Variants in ABHD2 observed in about 807,000 individuals in gnomAD.
ABHD2 encodes monoacylglycerol lipase ABHD2.
Under a neutral mutation model 48.1 loss-of-function variants are expected in ABHD2, and 20 were observed. That is an observed-to-expected ratio of 0.42 (90% CI 0.29 to 0.60). The LOEUF (loss-of-function observed/expected upper bound fraction) is 0.60, where lower values mean the gene tolerates loss of function less well. Ranked by LOEUF, ABHD2 falls within the 20% of genes least tolerant of loss-of-function variation. The pLI is 0.24. For synonymous variants in ABHD2, 209 were observed against 214.2 expected (o/e 0.98, Z 0.21); for missense variants, 405 against 550.9 (o/e 0.74, Z 2.65).
At chr15:89,050,296 T>C in the ABHD2 span, among the ~76,000 whole-genome samples, 6 of 152,226 alleles carry the variant, frequency 3.9e-5, no homozygotes, top group African/African-American at 1.4e-4. Flanking sequence ...GCCGAGACTC[T>C]GGGCCTGAGC....
Position 89,146,662 on chromosome 15 carries a change from A to G in ABHD2, c.195-5015A>G, listed in dbSNP as rs1298319393. Among the ~76,000 whole-genome samples the G allele has an allele frequency of 5.3e-5, 8 of 152,188 alleles. No homozygotes were observed. On this transcript the variant is annotated intron_variant, in intron 3 of 10. Transcript: ENST00000352732. The surrounding 1 kb of genome is among the most constrained non-coding windows in gnomAD (Gnocchi z 4.2). ...TTTCTACTTTCAGGGAGTTAAGGGT[A>G]AAACATGCCCAGATGCTTCAACTCA... is the stretch of plus-strand genomic sequence containing the variant.
chr15:89,153,420 C>T (rs1489203318), intron 4 of ABHD2, among the ~76,000 whole-genome samples: 1 of 152,190 alleles, frequency 6.6e-6, no homozygotes, highest in African/African-American at 2.4e-5. Flanking sequence ...ATTCACCATA[C>T]CCAGTTAAAT....
At position 89,182,216 on chromosome 15, in the gene ABHD2, G is replaced by A. The variant is rs2150938631; in HGVS notation, c.723-3208G>A. ...GTGATTATCACTTCTTGAGAGTTTT[G>A]CAACTTTCAGAAAGCATCTTTCCTT... is the stretch of plus-strand genomic sequence containing the variant. On this transcript the variant is annotated intron_variant, in intron 6 of 10. Transcript: ENST00000352732. This position sits in a 1 kb window ranked among gnomAD's most constrained non-coding sequence, Gnocchi z 4.8. Among the ~76,000 whole-genome samples, 1 of 152,238 alleles carries A rather than the reference G, an allele frequency of 6.6e-6. No individual in the cohort carries two copies. The highest frequency in any genetic ancestry group is 1.9e-4 in the East Asian group (1 of 5,180).
the ABHD2 span, among the ~76,000 whole-genome samples, chr15:89,052,656 G>A: frequency 9.6e-3 from 1,465 of 152,034 alleles, 37 homozygotes; most frequent in African/African-American, 0.033. Flanking sequence ...CAAGGAGCTC[G>A]AAAGATTGCC....
chr15:89,192,190 ACTGTAGTTGTG>A (rs1384397134), intron 9 of ABHD2, among the ~76,000 whole-genome samples: 1 of 152,184 alleles, frequency 6.6e-6, no homozygotes, highest in Non-Finnish European at 1.5e-5. Context: ...ATCACTGGAA[ACTGTAGTTGTG>A]CTGTCTTATC....
At chr15:89,147,953 C>T (rs2050522260) in intron 3 of ABHD2, among the ~76,000 whole-genome samples, 1 of 150,968 alleles carries the variant, frequency 6.6e-6, no homozygotes, top group African/African-American at 2.4e-5. Flanking sequence ...CCCATCTCTA[C>T]TAAGAATACA....
the ABHD2 span, among the ~76,000 whole-genome samples, chr15:89,061,535 G>C: frequency 6.6e-6 from 1 of 151,994 alleles, no homozygotes; most frequent in Non-Finnish European, 1.5e-5. Context: ...TAATAAACCC[G>C]CACATATACC....
intron 3 of ABHD2, among the ~76,000 whole-genome samples, chr15:89,136,861 C>T (rs1310291208): frequency 6.6e-6 from 1 of 152,238 alleles, no homozygotes; most frequent in Admixed American, 6.5e-5. Flanking sequence ...AGCCAAAAGG[C>T]ACTGTGTTGG....
intron 6 of ABHD2, among the ~76,000 whole-genome samples, chr15:89,181,708 C>T (rs2051118134): frequency 1.3e-5 from 2 of 152,206 alleles, no homozygotes. Flanking sequence ...TGCATTCTTT[C>T]CCCAGTTCAT....
intron 5 of ABHD2, among the ~76,000 whole-genome samples, chr15:89,172,009 T>C (rs1363958082): frequency 7.2e-6 from 1 of 138,482 alleles, no homozygotes; most frequent in Non-Finnish European, 1.5e-5. Flanking sequence ...TACCCTATAA[T>C]AAATATTTTT....
At chr15:89,136,272 C>T (rs186646070) in intron 3 of ABHD2, 179 of 403,052 alleles carry the variant, frequency 4.4e-4, no homozygotes, top group African/African-American at 3.0e-3. Context: ...TACAGGTTTT[C>T]GTTTCTCTTT....
chr15:89,160,747 G>C (rs1349760139), intron 5 of ABHD2, among the ~76,000 whole-genome samples: 2 of 152,148 alleles, frequency 1.3e-5, no homozygotes, highest in Non-Finnish European at 2.9e-5. Flanking sequence ...ACATTGCAGA[G>C]GGTAGGAAGA....
intron 5 of ABHD2, among the ~76,000 whole-genome samples, chr15:89,162,664 C>T (rs1383936972): frequency 6.6e-6 from 1 of 152,176 alleles, no homozygotes; most frequent in Non-Finnish European, 1.5e-5. Flanking sequence ...GAGAGCCCTT[C>T]CTTGACTCCT....
At position 89,103,200 on chromosome 15, in the gene ABHD2, A is replaced by C. The variant is rs144135487; in HGVS notation, c.-106-10525A>C. 2.4e-3 allele frequency among the ~76,000 whole-genome samples: 360 copies of C among 152,280 alleles called. 1 individual carries two copies. Among genetic ancestry groups the C allele is most frequent in the African/African-American group, 8.3e-3 (345 of 41,552 alleles). On this transcript the variant is annotated intron_variant, in intron 1 of 10. Transcript: ENST00000352732. ...TTGGGGACCAATTCTCATCCTCCTC[A>C]TGTGTTACAATTCCTTAGCAGTTGC...
rs1211777242 is a variant in ABHD2 at position 89,184,431 on chromosome 15, G to A, written c.723-993G>A. Among the ~76,000 whole-genome samples the A allele has an allele frequency of 1.3e-5, 2 of 152,218 alleles. No homozygotes were observed. Among genetic ancestry groups the A allele is most frequent in the Non-Finnish European group, 2.9e-5 (2 of 68,030 alleles). ...TGACGTCCAGATCCATTCACAGGGT[G>A]GAGTCAGGCCTGGAGATTTTGAAAC... On this transcript the variant is annotated intron_variant, in intron 6 of 10. Coordinates refer to ENST00000352732, the MANE Select transcript of ABHD2 (RefSeq NM_152924.5). This position sits in a 1 kb window ranked among gnomAD's most constrained non-coding sequence, Gnocchi z 5.1.
At position 89,188,883 on chromosome 15, in the gene ABHD2, TA is replaced by T. The variant is rs34046140; in HGVS notation, c.926+595del. Among the ~76,000 whole-genome samples the T allele has an allele frequency of 3.1e-3, 422 of 135,446 alleles. No individual in the cohort carries two copies. Among genetic ancestry groups the T allele is most frequent in the Middle Eastern group, 7.4e-3 (2 of 270 alleles). The allele number at this position is 135,446 out of a possible 152,430, so 88.9% of individuals were successfully genotyped here. The stretch of plus-strand genomic sequence containing the variant: ...GACACAGCAAGACCCTTCTCAAAAT[TA>T]AAAAAAAAAAAAAAGAAGTAGAAAA... On this transcript the variant is annotated intron_variant, in intron 8 of 10. Coordinates refer to ENST00000352732, the MANE Select transcript of ABHD2 (RefSeq NM_152924.5). The surrounding 1 kb of genome is among the most constrained non-coding windows in gnomAD (Gnocchi z 4.1).
chr15:89,155,540 C>G lies in ABHD2; in HGVS notation c.538+6C>G, dbSNP rs2050658826. On this transcript the variant is annotated splice_donor_region_variant and intron_variant, in intron 5 of 10. Transcript: ENST00000352732. This position sits in a 1 kb window ranked among gnomAD's most constrained non-coding sequence, Gnocchi z 4.9. Reference sequence around the variant, plus strand: ...GCCACGCATGTTCACCTATGGTAAGCATGGCTAAGTGGAGTCCTCCCTTTT... The same window carrying G: ...GCCACGCATGTTCACCTATGGTAAGGATGGCTAAGTGGAGTCCTCCCTTTT... The G allele has an allele frequency of 6.2e-7, 1 of 1,607,790 alleles. No individual in the cohort carries two copies. The highest frequency in any genetic ancestry group is 1.3e-5 in the African/African-American group (1 of 74,822).
intron 7 of ABHD2, among the ~76,000 whole-genome samples, chr15:89,187,771 T>C (rs567800623): frequency 2.4e-4 from 37 of 152,352 alleles, no homozygotes; most frequent in African/African-American, 8.4e-4. Flanking sequence ...TGTTTTCCAC[T>C]CCTTCCTGCA....
chr15:89,172,924 A>AT (rs2050953181), intron 5 of ABHD2, among the ~76,000 whole-genome samples: 1 of 152,162 alleles, frequency 6.6e-6, no homozygotes, highest in Non-Finnish European at 1.5e-5. Context: ...GAAGCTGAAG[A>AT]TTTTCCCTGT....
Sources: gnomAD v4.1 joint callset for allele counts (sites outside exome capture counted in the v4.1 genomes callset) on GRCh38, gnomAD v4.1.1 for gene constraint, Gnocchi (gnomAD v3.1) non-coding constraint, MANE v1.5 for transcripts, NCBI Gene and HGNC (gene_info 2026-07-23, HGNC 2026-07-21) for gene names.